The following KCNU1 variants were observed in gnomAD, a reference collection of about 807,000 sequenced individuals.
KCNU1 encodes the protein potassium channel subfamily U member 1.
A neutral mutation model predicts 126.8 loss-of-function variants in KCNU1; 93 were observed. The observed-to-expected ratio is 0.73, with a 90% confidence interval of 0.62 to 0.87. The LOEUF is 0.87. Among genes scored for constraint, KCNU1 ranks in the 40% least tolerant of loss-of-function variants. The probability of loss-of-function intolerance (pLI) is 0.00; values close to 1 mark genes in which losing one functional copy is unlikely to be tolerated. For missense variants in KCNU1, 1,330 were observed against 1,367.1 expected (o/e 0.97, Z 0.43); for synonymous variants, 523 against 494.2 (o/e 1.06, Z -0.77).
intron 18 of KCNU1, among the ~76,000 whole-genome samples, chr8:36,858,411 T>C (rs993039644): frequency 4.8e-4 from 73 of 151,970 alleles, no homozygotes; most frequent in African/African-American, 1.7e-3. Flanking sequence ...TCTGACTAAA[T>C]AGGAAGAAAG....
chr8:36,890,761 T>C (rs1270797139), intron 19 of KCNU1, among the ~76,000 whole-genome samples: 1 of 151,934 alleles, frequency 6.6e-6, no homozygotes, highest in Non-Finnish European at 1.5e-5. Flanking sequence ...AATCTACTTT[T>C]AATATAAATA....
intron 2 of KCNU1, 77 bp from the exon 3 acceptor site, chr8:36,803,950 G>C (rs1470509310): frequency 3.1e-6 from 3 of 970,666 alleles, no homozygotes; most frequent in East Asian, 2.6e-5. Flanking sequence ...ATGGTAAAAA[G>C]AGAAAACACA....
chr8:36,787,432 A>G lies in KCNU1; in HGVS notation c.315+7A>G, dbSNP rs746665269. On this transcript the variant is annotated splice_region_variant and intron_variant, in intron 2 of 26. Coordinates refer to ENST00000399881, the MANE Select transcript of KCNU1 (RefSeq NM_001031836.3). ...CTTTGTGGGGCAAGTGTTGGTAAGTACATTTTCAGTGTTAGCTTGCTAACA... is the reference window on the plus strand; with the variant it reads ...CTTTGTGGGGCAAGTGTTGGTAAGTGCATTTTCAGTGTTAGCTTGCTAACA... The G allele has an allele frequency of 2.5e-6, 4 of 1,602,642 alleles. No homozygotes were observed. Among genetic ancestry groups the G allele is most frequent in the Non-Finnish European group, 3.4e-6 (4 of 1,173,896 alleles).
chr8:36,903,066 A>G (rs903097467), intron 19 of KCNU1, among the ~76,000 whole-genome samples: 10 of 152,128 alleles, frequency 6.6e-5, no homozygotes, highest in Non-Finnish European at 1.3e-4. Flanking sequence ...GGCCACTCTT[A>G]TTAGGAATTA....
intron 4 of KCNU1, among the ~76,000 whole-genome samples, chr8:36,806,054 G>A (rs1803490351): frequency 6.6e-6 from 1 of 152,086 alleles, no homozygotes; most frequent in Admixed American, 6.6e-5. Flanking sequence ...ATATTGGTCA[G>A]GCTGGTCTCA....
chr8:36,838,103 G>C (rs1316093195), intron 14 of KCNU1, among the ~76,000 whole-genome samples: 1 of 152,226 alleles, frequency 6.6e-6, no homozygotes, highest in Non-Finnish European at 1.5e-5. Flanking sequence ...AGAAATGGTA[G>C]TCAGGGTGGA....
chr8:36,915,918 A>G (rs1197072174), intron 22 of KCNU1, among the ~76,000 whole-genome samples: 1 of 152,072 alleles, frequency 6.6e-6, no homozygotes, highest in Non-Finnish European at 1.5e-5. Flanking sequence ...ATTTTAAAAT[A>G]TTTAAAAAGG....
At chr8:36,832,368 G>C (rs565873645) in intron 10 of KCNU1, among the ~76,000 whole-genome samples, 2 of 152,078 alleles carry the variant, frequency 1.3e-5, no homozygotes, top group African/African-American at 2.4e-5. Context: ...CCATTTTCAC[G>C]ATATTGATTC....
At chr8:36,901,183 T>G (rs1807403515) in intron 19 of KCNU1, among the ~76,000 whole-genome samples, 1 of 152,110 alleles carries the variant, frequency 6.6e-6, no homozygotes, top group Non-Finnish European at 1.5e-5. Flanking sequence ...GTCAAATCTG[T>G]AAGTTGGAGA....
intron 24 of KCNU1, chr8:36,928,953 G>T: frequency 1.4e-6 from 1 of 693,190 alleles, no homozygotes; most frequent in South Asian, 1.5e-5. Context: ...CACTTCAGAT[G>T]ATCCAGATAC....
At chr8:36,823,963 A>T (rs1439322395) in intron 10 of KCNU1, among the ~76,000 whole-genome samples, 1 of 150,544 alleles carries the variant, frequency 6.6e-6, no homozygotes, top group Non-Finnish European at 1.5e-5. Context: ...TCAGCCTCCC[A>T]AGTAGCTGGG....
chr8:36,882,257 G>T (rs944759732), intron 19 of KCNU1, among the ~76,000 whole-genome samples: 1 of 152,194 alleles, frequency 6.6e-6, no homozygotes, highest in Non-Finnish European at 1.5e-5. Context: ...AACCAGCAGG[G>T]CTGTGGAGGA....
intron 8 of KCNU1, 151 bp from the exon 9 acceptor site, chr8:36,815,445 G>A (rs1803872312): frequency 2.1e-6 from 1 of 467,726 alleles, no homozygotes; most frequent in Non-Finnish European, 3.8e-6. Flanking sequence ...CTGAAATAAG[G>A]AAGAAAAACG....
intron 16 of KCNU1, 53 bp downstream of exon 16, chr8:36,841,056 T>TTC: frequency 9.3e-7 from 1 of 1,071,862 alleles, no homozygotes; most frequent in Non-Finnish European, 1.3e-6. Flanking sequence ...TTTTTTTTTT[T>TTC]CCTGGAGATT....
chr8:36,902,906 A>G (rs1348610843), intron 19 of KCNU1, among the ~76,000 whole-genome samples: 1 of 152,164 alleles, frequency 6.6e-6, no homozygotes, highest in Non-Finnish European at 1.5e-5. Flanking sequence ...GTTAATTTGA[A>G]TGAACAGGGT....
intron 10 of KCNU1, among the ~76,000 whole-genome samples, chr8:36,826,611 C>G (rs989688620): frequency 2.6e-5 from 4 of 152,106 alleles, no homozygotes; most frequent in Non-Finnish European, 5.9e-5. Flanking sequence ...GATTCCAGAA[C>G]CTTAGCTCTT....
At chr8:36,889,879 G>A (rs776493775) in intron 19 of KCNU1, among the ~76,000 whole-genome samples, 1 of 151,784 alleles carries the variant, frequency 6.6e-6, no homozygotes, top group Non-Finnish European at 1.5e-5. Context: ...ATGAAAAGAA[G>A]TCATCTTGCC....
chr8:36,831,894 T>A (rs1315079343), intron 10 of KCNU1, among the ~76,000 whole-genome samples: 1 of 152,152 alleles, frequency 6.6e-6, no homozygotes, highest in Admixed American at 6.6e-5. Flanking sequence ...TGGTTTTAGG[T>A]CTAACGTTTA....
chr8:36,834,745 T>C, intron 11 of KCNU1, 41 bp from the exon 12 acceptor site: 1 of 1,300,900 alleles, frequency 7.7e-7, no homozygotes, highest in South Asian at 1.3e-5. Flanking sequence ...GCATTTCCCA[T>C]GTAATTAACA....
Sources: allele counts gnomAD v4.1 joint callset (sites outside exome capture counted in the v4.1 genomes callset), GRCh38; gene constraint gnomAD v4.1.1; transcripts MANE v1.5; gene names NCBI Gene and HGNC (gene_info 2026-07-23, HGNC 2026-07-21).